Variants in TMEM244 observed in about 807,000 individuals in gnomAD.
TMEM244 encodes the protein putative transmembrane protein 244.
In TMEM244, 13 loss-of-function variants were observed where a neutral mutation model predicts 15.8. The observed-to-expected ratio is 0.82, with a 90% CI of 0.53 to 1.30. TMEM244 has a LOEUF of 1.30. Ranked by LOEUF, TMEM244 falls within the 50% of genes most tolerant of loss-of-function variation. The pLI is 0.00. For missense variants in TMEM244, 161 were observed against 144.9 expected, an observed-to-expected ratio of 1.11 and a Z score of -0.57; for synonymous variants, 45 against 48.7, an observed-to-expected ratio of 0.92 and a Z score of 0.32.
intron 3 of TMEM244, among the ~76,000 whole-genome samples, chr6:129,842,595 T>A (rs79249563): frequency 0.13 from 20,174 of 151,960 alleles, 1,437 homozygotes; most frequent in South Asian, 0.22. Context: ...GTTTTTCTAA[T>A]GAATTGTATT....
intron 1 of TMEM244, among the ~76,000 whole-genome samples, chr6:129,860,104 CGTGTGTGTGTGTGTGT>C (rs757397083): frequency 3.6e-5 from 5 of 140,610 alleles, no homozygotes; most frequent in East Asian, 2.1e-4. Flanking sequence ...CTCTGCAATG[CGTGTGTGTGTGTGTGT>C]GTGTGTGTGT....
chr6:129,856,988 C>T (rs963275291), intron 1 of TMEM244, among the ~76,000 whole-genome samples: 1 of 151,882 alleles, frequency 6.6e-6, no homozygotes, highest in Middle Eastern at 3.4e-3. Flanking sequence ...ATAGATTTTA[C>T]ACACTTCCTG....
chr6:129,849,913 C>G (rs144274297), intron 1 of TMEM244, among the ~76,000 whole-genome samples: 2,296 of 152,230 alleles, frequency 0.015, 21 homozygotes, highest in Non-Finnish European at 0.022. Flanking sequence ...GTGAAGGGGG[C>G]ATGAACATTC....
intron 3 of TMEM244, among the ~76,000 whole-genome samples, chr6:129,836,578 G>C (rs1387660820): frequency 1.3e-5 from 2 of 152,218 alleles, no homozygotes; most frequent in Non-Finnish European, 2.9e-5. Flanking sequence ...AGTTTGACGA[G>C]TTGACAGAAG....
intron 4 of TMEM244, 54 bp downstream of exon 4, chr6:129,833,406 T>A: frequency 6.4e-7 from 1 of 1,573,142 alleles, no homozygotes; most frequent in Non-Finnish European, 8.6e-7. Flanking sequence ...GTGGTTTATG[T>A]CCAACATCTG....
At chr6:129,832,105 T>TTC (rs1358325258) in intron 4 of TMEM244, among the ~76,000 whole-genome samples, 1 of 150,588 alleles carries the variant, frequency 6.6e-6, no homozygotes, top group African/African-American at 2.4e-5. Context: ...TTTTTTTTTT[T>TTC]TTTTTTTTCT....
chr6:129,858,093 G>A (rs1262855727), intron 1 of TMEM244, among the ~76,000 whole-genome samples: 2 of 151,910 alleles, frequency 1.3e-5, no homozygotes, highest in African/African-American at 2.4e-5. Context: ...TGGTCATGAT[G>A]TTTTATTTTT....
intron 3 of TMEM244, among the ~76,000 whole-genome samples, chr6:129,835,833 G>A (rs1388845113): frequency 4.0e-5 from 6 of 150,590 alleles, no homozygotes; most frequent in African/African-American, 9.8e-5. Flanking sequence ...GACCTGCGAC[G>A]CTGCATCTTG....
At chr6:129,839,795 A>G (rs1246142756) in intron 3 of TMEM244, among the ~76,000 whole-genome samples, 1 of 152,252 alleles carries the variant, frequency 6.6e-6, no homozygotes, top group East Asian at 1.9e-4. Context: ...ATAGACAAAC[A>G]GAGAGCCAAA....
At chr6:129,840,184 A>G (rs1218738641) in intron 3 of TMEM244, among the ~76,000 whole-genome samples, 1 of 152,240 alleles carries the variant, frequency 6.6e-6, no homozygotes, top group Admixed American at 6.5e-5. Flanking sequence ...AAACTATGCT[A>G]CACAGCTACA....
At chr6:129,838,169 G>A (rs1033956010) in intron 3 of TMEM244, among the ~76,000 whole-genome samples, 2 of 152,126 alleles carry the variant, frequency 1.3e-5, no homozygotes, top group Non-Finnish European at 2.9e-5. Context: ...CACATAATTG[G>A]TAGTAAAACA....
intron 3 of TMEM244, among the ~76,000 whole-genome samples, chr6:129,835,997 A>G (rs1472064168): frequency 6.6e-6 from 1 of 152,180 alleles, no homozygotes; most frequent in Non-Finnish European, 1.5e-5. Flanking sequence ...TAGTAGAACA[A>G]AAGGCAGCAG....
At chr6:129,860,904 C>T (rs1449731324) in intron 1 of TMEM244, among the ~76,000 whole-genome samples, 1 of 151,910 alleles carries the variant, frequency 6.6e-6, no homozygotes, top group Non-Finnish European at 1.5e-5. Flanking sequence ...AGAGAGCTTA[C>T]CTCCGAATAA....
At position 129,845,646 on chromosome 6, in the gene TMEM244, C is replaced by A. The variant is rs986673274; in HGVS notation, c.119+121G>T. On this transcript the variant is annotated intron_variant, in intron 2 of 4. Coordinates refer to ENST00000368143, the MANE Select transcript of TMEM244 (RefSeq NM_001010876.2). ...ATAAAAAATAAATAAAAGTAAGAAA[C>A]TATGTCTTTAAAAAAATCCACATCC... 5 of 782,020 alleles carry A rather than the reference C, an allele frequency of 6.4e-6. No homozygotes were observed. The African/African-American group carries it at 7.2e-5, about 11-fold the overall frequency. The allele number at this position is 782,020 out of a possible 1,614,324, so 48.4% of individuals were successfully genotyped here.
intron 3 of TMEM244, among the ~76,000 whole-genome samples, chr6:129,840,020 A>G (rs1057273252): frequency 6.6e-6 from 1 of 152,194 alleles, no homozygotes; most frequent in East Asian, 1.9e-4. Flanking sequence ...TAATTTATAG[A>G]TTCAATGCCA....
At chr6:129,845,993 T>C in intron 1 of TMEM244, 141 bp from the exon 2 acceptor site, 1 of 581,484 alleles carries the variant, frequency 1.7e-6, no homozygotes, top group Non-Finnish European at 3.0e-6. Flanking sequence ...GGAATGGGAA[T>C]GACTTCAAAG....
At chr6:129,849,117 G>A (rs578073594) in intron 1 of TMEM244, among the ~76,000 whole-genome samples, 10 of 151,938 alleles carry the variant, frequency 6.6e-5, no homozygotes, top group African/African-American at 1.2e-4. Context: ...TATAATTTGC[G>A]AGACAATATA....
chr6:129,856,691 A>ATATTTTTTTTTT (rs1776717880), intron 1 of TMEM244, among the ~76,000 whole-genome samples: 1 of 152,088 alleles, frequency 6.6e-6, no homozygotes, highest in African/African-American at 2.4e-5. Flanking sequence ...AAGGCTAGTC[A>ATATTTTTTTTTT]TCTCTCCTTT....
chr6:129,840,088 T>C (rs1776466908), intron 3 of TMEM244, among the ~76,000 whole-genome samples: 1 of 152,162 alleles, frequency 6.6e-6, no homozygotes, highest in African/African-American at 2.4e-5. Context: ...ACTCTAAAGT[T>C]CATATGGAAC....
Sources: allele counts gnomAD v4.1 joint callset (sites outside exome capture counted in the v4.1 genomes callset), GRCh38; gene constraint gnomAD v4.1.1; transcripts MANE v1.5; gene names NCBI Gene and HGNC (gene_info 2026-07-23, HGNC 2026-07-21).